The following RPUSD2 variants were observed in gnomAD, a reference collection of about 807,000 sequenced individuals.
The protein encoded by RPUSD2 is RNA pseudouridine synthase domain containing 2.
RPUSD2 carries 31 observed loss-of-function variants against 41.5 expected under a neutral mutation model. The ratio of observed to expected loss-of-function variants is 0.75; its 90% CI spans 0.56 to 1.01. The LOEUF (loss-of-function observed/expected upper bound fraction) is 1.01. Ranked by LOEUF, RPUSD2 falls within the 50% of genes least tolerant of loss-of-function variation. The probability of loss-of-function intolerance (pLI) is 0.00; values close to 1 mark genes in which losing one functional copy is unlikely to be tolerated. For synonymous variants in RPUSD2, 305 were observed against 289.7 expected (o/e 1.05, Z -0.54); for missense variants, 749 against 724.7 (o/e 1.03, Z -0.38).
intron 1 of RPUSD2, among the ~76,000 whole-genome samples, chr15:40,571,161 T>C (rs1891129632): frequency 6.6e-6 from 1 of 152,108 alleles, no homozygotes; most frequent in Admixed American, 6.6e-5. Flanking sequence ...CCTGCTAATT[T>C]TTGTATTTTT....
chr15:40,573,098 C>G (rs2141674801), intron 2 of RPUSD2, among the ~76,000 whole-genome samples: 1 of 138,784 alleles, frequency 7.2e-6, no homozygotes, highest in East Asian at 2.2e-4. Flanking sequence ...GATCCTGGCT[C>G]ACTGCAACCT....
chr15:40,569,869 T>G lies in RPUSD2; in HGVS notation c.532T>G (p.Tyr178Asp). 6.2e-7 allele frequency: 1 copy of G among 1,605,146 alleles called. No homozygotes were observed. The highest frequency in any genetic ancestry group is 8.5e-7 in the Non-Finnish European group (1 of 1,176,290). ...TEFRAQPLAYYEAAVRAGRLQ... is the reference protein window; with the variant it reads ...TEFRAQPLAYDEAAVRAGRLQ... ...GTTCCGAGCTCAGCCCCTGGCCTAC[T>G]ATGAGGCCGCGGTCCGGGCGGGCCG... Residue 178 changes from tyrosine (Y) to aspartate (D), a missense_variant, in exon 1 of 3, where the codon TAT (tyrosine) becomes GAT (aspartate). Coordinates refer to ENST00000315616, the MANE Select transcript of RPUSD2 (RefSeq NM_152260.3).
At position 40,574,000 on chromosome 15, in the gene RPUSD2, A is replaced by G. The variant is rs762768237; in HGVS notation, c.1377A>G (p.Ala459=). The G allele has an allele frequency of 3.1e-6, 5 of 1,614,186 alleles. No homozygotes were observed. The South Asian group carries it at 5.5e-5, about 18-fold the overall frequency. The change falls in exon 3 of 3, where the codon GCA becomes GCG. Residue 459 remains alanine, a synonymous_variant. Coordinates refer to ENST00000315616, the MANE Select transcript of RPUSD2 (RefSeq NM_152260.3). ...AGGACGACCTGGAAGAGTTGGCTGC[A>G]GCTGCCCAGAAGATGGAGGAAGTAG... is the stretch of plus-strand genomic sequence containing the variant. ...LGKDDLEELA[A]AAQKMEEVAE...
rs747885763 is a variant in RPUSD2 at position 40,569,379 on chromosome 15, T to C, written c.42T>C (p.His14=). The C allele has an allele frequency of 6.6e-7, 1 of 1,516,016 alleles. No individual in the cohort carries two copies. Among genetic ancestry groups the C allele is most frequent in the African/African-American group, 1.4e-5 (1 of 71,448 alleles). 93.9% of individuals were successfully genotyped at this position (1,516,016 alleles called of 1,614,324 possible). The change falls in exon 1 of 3, where the codon CAT becomes CAC. Residue 14 remains histidine (H), a synonymous_variant. Coordinates refer to ENST00000315616, the MANE Select transcript of RPUSD2 (RefSeq NM_152260.3). The part of the protein sequence containing the change: ...DRRGWLRVLG[H]WRYDLRRPSF... ...GCGGATGGCTCAGGGTTCTTGGACA[T>C]TGGCGCTACGACCTTAGGCGCCCTA... is the stretch of plus-strand genomic sequence containing the variant.
Position 40,571,708 on chromosome 15 carries a change from G to T in RPUSD2, c.711G>T (p.Lys237Asn). 1 of 1,614,224 alleles carries T rather than the reference G, an allele frequency of 6.2e-7. No homozygotes were observed. The highest frequency in any genetic ancestry group is 8.5e-7 in the Non-Finnish European group (1 of 1,180,040). Residue 237 changes from lysine (K) to asparagine (N), a missense_variant, in exon 2 of 3, where the codon AAG (lysine) becomes AAT (asparagine). Transcript: ENST00000315616. ...ACGAAGATGTGGTGGTTGTAGACAA[G>T]CCTTCCTCCATTCCCGTTCACCCCT... Reference protein sequence around the residue: ...AENEDVVVVDKPSSIPVHPCG... With the variant: ...AENEDVVVVDNPSSIPVHPCG...
Position 40,569,809 on chromosome 15 carries a change from G to T in RPUSD2, c.472G>T (p.Val158Leu). The change falls in exon 1 of 3, where the codon GTG becomes TTG. Residue 158 changes from valine (V) to leucine (L), a missense_variant. Coordinates refer to ENST00000315616, the MANE Select transcript of RPUSD2 (RefSeq NM_152260.3). ...CCGGACCTACTGCAAAGGTCGCTGG[G>T]TGGGCCACAGCTTGCTGCACGTCTT... is the stretch of plus-strand genomic sequence containing the variant. ...DFRTYCKGRW[V>L]GHSLLHVFST... The T allele has an allele frequency of 6.2e-7, 1 of 1,613,434 alleles. No homozygotes were observed. Among genetic ancestry groups the T allele is most frequent in the Non-Finnish European group, 8.5e-7 (1 of 1,179,812 alleles).
At chr15:40,572,674 GT>G (rs1405394849) in intron 2 of RPUSD2, among the ~76,000 whole-genome samples, 1 of 152,154 alleles carries the variant, frequency 6.6e-6, no homozygotes, top group African/African-American at 2.4e-5. Flanking sequence ...TGAGGCTGCA[GT>G]GAGCCATGAG....
Position 40,573,602 on chromosome 15 carries a change from G to A in RPUSD2, c.979G>A (p.Val327Met). The change falls in exon 3 of 3, where the codon GTG becomes ATG. Residue 327 changes from valine to methionine, a missense_variant. Val to Met is a conservative substitution (Grantham distance 21). Coordinates refer to ENST00000315616, the MANE Select transcript of RPUSD2 (RefSeq NM_152260.3). ...EEVTCKEPIL[V>M]VSYKVGVCRV... ...AGTGACCTGTAAAGAACCCATCTTA[G>A]TGGTGTCTTACAAAGTAGGGGTGTG... 6.2e-7 allele frequency: 1 copy of A among 1,614,204 alleles called. No individual in the cohort carries two copies. The highest frequency in any genetic ancestry group is 1.1e-5 in the South Asian group (1 of 91,076).
In RPUSD2 at chr15:40,573,696, G is replaced by T; in HGVS notation, c.1073G>T (p.Ser358Ile). The part of the protein sequence containing the change: ...FQRLSYNGQS[S>I]VVRCRPLTGR... ...AGGCTAAGCTACAATGGCCAGTCCA[G>T]TGTGGTACGGTGCCGGCCACTCACA... Residue 358 changes from serine (S) to isoleucine (I), a missense_variant, in exon 3 of 3, where the codon AGT becomes ATT. By Grantham distance (142) the Ser-to-Ile change is moderately radical. Transcript: ENST00000315616. 5.0e-6 allele frequency: 8 copies of T among 1,614,228 alleles called. No homozygotes were observed. Among genetic ancestry groups the T allele is most frequent in the Non-Finnish European group, 5.9e-6 (7 of 1,180,042 alleles).
chr15:40,569,868 C>CT lies in RPUSD2; in HGVS notation c.532dup (p.Tyr178LeufsTer2). 1 of 1,605,810 alleles carries CT rather than the reference C, an allele frequency of 6.2e-7. No individual in the cohort carries two copies. The highest frequency in any genetic ancestry group is 8.5e-7 in the Non-Finnish European group (1 of 1,176,618). On this transcript the variant is annotated frameshift_variant, in exon 1 of 3. Coordinates refer to ENST00000315616, the MANE Select transcript of RPUSD2 (RefSeq NM_152260.3). LOFTEE classifies it high-confidence loss of function. ...AGTTCCGAGCTCAGCCCCTGGCCTA[C>CT]TATGAGGCCGCGGTCCGGGCGGGCC... is the stretch of plus-strand genomic sequence containing the variant.
At position 40,574,732 on chromosome 15, in the gene RPUSD2, A is replaced by C. The variant is rs1416438339; in HGVS notation, c.*471A>C. Reference sequence around the variant, plus strand: ...TTAACCAATTTAAGATGTACAGCGTAGTCACATTTAGTACATTCACAGTGT... The same window carrying C: ...TTAACCAATTTAAGATGTACAGCGTCGTCACATTTAGTACATTCACAGTGT... On this transcript the variant is annotated 3_prime_UTR_variant, in exon 3 of 3. Transcript: ENST00000315616. 6.4e-6 allele frequency: 1 copy of C among 155,368 alleles called. No homozygotes were observed. The highest frequency in any genetic ancestry group is 2.4e-5 in the African/African-American group (1 of 41,458). 9.6% of individuals were successfully genotyped at this position (155,368 alleles called of 1,614,324 possible).
chr15:40,571,908 A>G lies in RPUSD2; in HGVS notation c.903+8A>G, dbSNP rs748409495. The G allele has an allele frequency of 1.2e-6, 2 of 1,611,686 alleles. No individual in the cohort carries two copies. Among genetic ancestry groups the G allele is most frequent in the South Asian group, 2.2e-5 (2 of 90,994 alleles). On this transcript the variant is annotated splice_region_variant and intron_variant, in intron 2 of 2. Coordinates refer to ENST00000315616, the MANE Select transcript of RPUSD2 (RefSeq NM_152260.3). ...CAGGTTCGGGACCGGCAGGTGAGTC[A>G]GGCTTTTGTCTCCTACAGGCCACTT...
At chr15:40,571,981 A>T (rs996297954) in intron 2 of RPUSD2, 81 bp downstream of exon 2, 2 of 1,427,538 alleles carry the variant, frequency 1.4e-6, no homozygotes, top group Non-Finnish European at 1.9e-6. Context: ...TGGAGTTCCG[A>T]AGTGGTCCTT....
Position 40,569,604 on chromosome 15 carries a change from C to G in RPUSD2, c.267C>G (p.Pro89=). Reference sequence around the variant, plus strand: ...CGGCCCCAGTAGGCGGGGAGCATCCCTCGGCTGCAGCCCCAGGCCCGGGCA... The same window carrying G: ...CGGCCCCAGTAGGCGGGGAGCATCCGTCGGCTGCAGCCCCAGGCCCGGGCA... ...VEPAPVGGEH[P]SAAAPGPGKH... The change falls in exon 1 of 3, where the codon CCC becomes CCG. Residue 89 remains proline (P), a synonymous_variant. Transcript: ENST00000315616. 6.5e-7 allele frequency: 1 copy of G among 1,536,008 alleles called. No individual in the cohort carries two copies. Among genetic ancestry groups the G allele is most frequent in the Non-Finnish European group, 8.8e-7 (1 of 1,140,810 alleles).
rs1451823845 is a variant in RPUSD2 at position 40,573,638 on chromosome 15, C to A, written c.1015C>A (p.Pro339Thr). The change falls in exon 3 of 3, where the codon CCC becomes ACC. Residue 339 changes from proline to threonine, a missense_variant. Pro to Thr is a conservative substitution (Grantham distance 38, BLOSUM62 -1). Coordinates refer to ENST00000315616, the MANE Select transcript of RPUSD2 (RefSeq NM_152260.3). ...SYKVGVCRVDPRGKPCETVFQ... is the reference protein window; with the variant it reads ...SYKVGVCRVDTRGKPCETVFQ... Reference sequence around the variant, plus strand: ...CAAAGTAGGGGTGTGCCGTGTAGATCCCCGGGGCAAGCCCTGTGAGACAGT... The same window carrying A: ...CAAAGTAGGGGTGTGCCGTGTAGATACCCGGGGCAAGCCCTGTGAGACAGT... 1 of 1,613,666 alleles carries A rather than the reference C, an allele frequency of 6.2e-7. No individual in the cohort carries two copies. The highest frequency in any genetic ancestry group is 8.5e-7 in the Non-Finnish European group (1 of 1,179,780).
intron 2 of RPUSD2, among the ~76,000 whole-genome samples, chr15:40,572,726 C>T (rs975750316): frequency 2.0e-5 from 3 of 152,170 alleles, no homozygotes; most frequent in East Asian, 1.9e-4. Context: ...AACAAGACTC[C>T]GTCTCAAAGA....
chr15:40,571,705 C>T lies in RPUSD2; in HGVS notation c.708C>T (p.Asp236=), dbSNP rs150929149. 128 of 1,614,260 alleles carry T rather than the reference C, an allele frequency of 7.9e-5. No individual in the cohort carries two copies. The Admixed American group carries it at 1.3e-3, about 17-fold the overall frequency. ...AGAACGAAGATGTGGTGGTTGTAGA[C>T]AAGCCTTCCTCCATTCCCGTTCACC... ...LAENEDVVVV[D]KPSSIPVHPC... The change falls in exon 2 of 3, where the codon GAC becomes GAT. Residue 236 remains aspartate (D), a synonymous_variant. Transcript: ENST00000315616.
rs1595902476 is a variant in RPUSD2 at position 40,574,511 on chromosome 15, T to C, written c.*250T>C. Reference sequence around the variant, plus strand: ...CTTCTTTTTTATTACTGATGTAAAATTCACATAACATAAAATTAACCACTT... The same window carrying C: ...CTTCTTTTTTATTACTGATGTAAAACTCACATAACATAAAATTAACCACTT... On this transcript the variant is annotated 3_prime_UTR_variant, in exon 3 of 3. Coordinates refer to ENST00000315616, the MANE Select transcript of RPUSD2 (RefSeq NM_152260.3). 2.6e-6 allele frequency: 1 copy of C among 380,058 alleles called. No homozygotes were observed. Among genetic ancestry groups the C allele is most frequent in the East Asian group, 4.9e-5 (1 of 20,570 alleles). 23.5% of individuals were successfully genotyped at this position (380,058 alleles called of 1,614,324 possible). A position where few individuals can be genotyped will look rare whatever the true frequency, so the allele number is the denominator to read the frequency against.
At chr15:40,572,124 T>G (rs1416252496) in intron 2 of RPUSD2, among the ~76,000 whole-genome samples, 1 of 152,216 alleles carries the variant, frequency 6.6e-6, no homozygotes, top group Non-Finnish European at 1.5e-5. Context: ...CTTAGTAGTT[T>G]GCTATTTTGA....
Sources: gnomAD v4.1 joint callset for allele counts (sites outside exome capture counted in the v4.1 genomes callset) on GRCh38, gnomAD v4.1.1 for gene constraint, MANE v1.5 for transcripts, NCBI Gene and HGNC (gene_info 2026-07-23, HGNC 2026-07-21) for gene names.